Variants in RGS22 observed in about 807,000 individuals in gnomAD.
The protein encoded by RGS22 is regulator of G protein signaling 22.
RGS22 carries 148 observed loss-of-function variants against 172.9 expected under a neutral mutation model. The ratio of observed to expected loss-of-function variants is 0.86; its 90% confidence interval spans 0.75 to 0.98. RGS22 has a LOEUF of 0.98. Ranked by LOEUF, RGS22 falls within the 50% of genes least tolerant of loss-of-function variation. The pLI, the probability that RGS22 is intolerant of heterozygous loss-of-function variation, is 0.00. For missense variants in RGS22, 1,347 were observed against 1,440.8 expected, an observed-to-expected ratio of 0.93 and a Z score of 1.05; for synonymous variants, 458 against 480.2, an observed-to-expected ratio of 0.95 and a Z score of 0.60.
intron 3 of RGS22, among the ~76,000 whole-genome samples, chr8:100,082,209 CTTTA>C (rs1811816228): frequency 6.6e-6 from 1 of 152,056 alleles, no homozygotes; most frequent in African/African-American, 2.4e-5. Flanking sequence ...GTGATGGACA[CTTTA>C]TTTTTTTTCT....
chr8:100,010,640 A>AT (rs1344170083), intron 14 of RGS22, among the ~76,000 whole-genome samples: 2 of 152,172 alleles, frequency 1.3e-5, no homozygotes, highest in African/African-American at 4.8e-5. Flanking sequence ...CTTGAGGGCA[A>AT]AGACTGTAGC....
At chr8:99,988,557 T>C (rs999918848) in intron 20 of RGS22, among the ~76,000 whole-genome samples, 7 of 152,268 alleles carry the variant, frequency 4.6e-5, no homozygotes, top group Non-Finnish European at 8.8e-5. Context: ...ATGATTTAGA[T>C]GGATTTAGCA....
chr8:99,993,849 C>G (rs1455700203), intron 20 of RGS22, among the ~76,000 whole-genome samples: 2 of 152,160 alleles, frequency 1.3e-5, no homozygotes, highest in African/African-American at 4.8e-5. Flanking sequence ...CGACAAACAT[C>G]GATGCGAAAA....
At chr8:100,035,514 A>T (rs537278594) in intron 14 of RGS22, among the ~76,000 whole-genome samples, 1 of 152,216 alleles carries the variant, frequency 6.6e-6, no homozygotes, top group African/African-American at 2.4e-5. Context: ...TGTTGGTGGG[A>T]GTATAAATTA....
chr8:100,000,124 A>G lies in RGS22; in HGVS notation c.2791-704T>C, dbSNP rs77815373. ...TTCCTTCTGCTTAATGATTGGCTTC[A>G]ACAAGCTACTAATAGCTTTTTCCTG... is the stretch of plus-strand genomic sequence containing the variant. On this transcript the variant is annotated intron_variant, in intron 18 of 27. Transcript: ENST00000360863. Among the ~76,000 whole-genome samples, 1,084 of 152,330 alleles carry G rather than the reference A, an allele frequency of 7.1e-3. 16 individuals are homozygous for G. The highest frequency in any genetic ancestry group is 0.024 in the African/African-American group (1,004 of 41,576).
intron 9 of RGS22, among the ~76,000 whole-genome samples, chr8:100,057,975 G>A (rs1050535149): frequency 6.6e-6 from 1 of 152,138 alleles, no homozygotes; most frequent in Non-Finnish European, 1.5e-5. Context: ...AGATAACACA[G>A]AGAAGAAATT....
chr8:100,105,684 G>A (rs1033953496), intron 1 of RGS22: 5 of 560,938 alleles, frequency 8.9e-6, no homozygotes, highest in East Asian at 6.5e-5. Context: ...CGTACAATAT[G>A]CAGAATTAAG....
chr8:99,981,848 C>T, intron 22 of RGS22, 89 bp downstream of exon 22: 2 of 1,225,800 alleles, frequency 1.6e-6, no homozygotes, highest in Non-Finnish European at 1.1e-6. Flanking sequence ...AGGCGTGAGC[C>T]ACCACGCCTG....
Position 100,105,915 on chromosome 8 carries a change from C to G in RGS22, c.7G>C (p.Glu3Gln), listed in dbSNP as rs376675897. The change falls in exon 1 of 28, where the codon GAG becomes CAG. Residue 3 changes from glutamate to glutamine, a missense_variant. Coordinates refer to ENST00000360863, the MANE Select transcript of RGS22 (RefSeq NM_015668.5). ...CACCTACCCGCGGTGAGCCTCTTCT[C>G]GGGCATGCCGTCCCCGCTGCCCGCG... MP[E>Q]KRLTAEPPTI... The G allele has an allele frequency of 2.8e-5, 42 of 1,491,516 alleles. No homozygotes were observed. In the African/African-American group the frequency reaches 5.1e-4, roughly 18 times the overall value. The allele number at this position is 1,491,516 out of a possible 1,614,324, so 92.4% of individuals were successfully genotyped here.
chr8:100,002,505 A>G, intron 17 of RGS22, 141 bp from the exon 18 acceptor site: 2 of 689,808 alleles, frequency 2.9e-6, no homozygotes, highest in East Asian at 6.1e-5. Context: ...AACGAACCCA[A>G]TATTGTATCT....
At chr8:100,054,538 G>C (rs572074566) in intron 9 of RGS22, 2 of 153,872 alleles carry the variant, frequency 1.3e-5, no homozygotes, top group East Asian at 3.9e-4. Flanking sequence ...AGGCTGCAGT[G>C]AGCCATGACC....
chr8:100,057,377 G>T (rs768749999), intron 9 of RGS22, among the ~76,000 whole-genome samples: 6 of 152,176 alleles, frequency 3.9e-5, no homozygotes, highest in Non-Finnish European at 8.8e-5. Flanking sequence ...GGGAAGGCAC[G>T]ATGGTGTTTT....
rs141124148 is a variant in RGS22, at chr8:100,067,250, C to T, written c.595-954G>A. 3.5e-3 allele frequency among the ~76,000 whole-genome samples: 536 copies of T among 152,258 alleles called. 1 individual carries two copies. Among genetic ancestry groups the T allele is most frequent in the Non-Finnish European group, 5.8e-3 (396 of 68,022 alleles). On this transcript the variant is annotated intron_variant, in intron 6 of 27. Transcript: ENST00000360863. ...TAGCAAGTCAAGCCACATAAGAAGA[C>T]CAAAGCAAGACAGAGAAATCAGAGG... is the stretch of plus-strand genomic sequence containing the variant.
chr8:99,986,205 G>A (rs1324562226), intron 21 of RGS22, among the ~76,000 whole-genome samples: 1 of 151,954 alleles, frequency 6.6e-6, no homozygotes, highest in African/African-American at 2.4e-5. Context: ...ACTCCAGCCT[G>A]GGCAACAAAA....
chr8:99,996,519 T>C lies in RGS22; in HGVS notation c.2961A>G (p.Lys987=), dbSNP rs368347350. The change falls in exon 20 of 28, where the codon AAA becomes AAG. Residue 987 remains lysine (K), a synonymous_variant. Coordinates refer to ENST00000360863, the MANE Select transcript of RGS22 (RefSeq NM_015668.5). The part of the protein sequence containing the change: ...AARQKIKVQM[K]DIAEELLLQK... ...GTAGTAAGAGCTCTTCTGCTATGTCTTTCATCTGTACCTGAAAGCAAAACC... is the reference window on the plus strand; with the variant it reads ...GTAGTAAGAGCTCTTCTGCTATGTCCTTCATCTGTACCTGAAAGCAAAACC... 17 of 1,613,188 alleles carry C rather than the reference T, an allele frequency of 1.1e-5. No individual in the cohort carries two copies. The African/African-American group carries it at 2.3e-4, about 22-fold the overall frequency.
chr8:100,040,688 C>T lies in RGS22; in HGVS notation c.1939-601G>A, dbSNP rs187528352. 1.1e-4 allele frequency among the ~76,000 whole-genome samples: 17 copies of T among 152,218 alleles called. No individual in the cohort carries two copies. In the East Asian group the frequency reaches 2.7e-3, roughly 24 times the overall value. ...CAATTTTTGAAACACAGAAAGCTGG[C>T]TATTTCTCCAAGCACAGGAGTGACT... On this transcript the variant is annotated intron_variant, in intron 12 of 27. Coordinates refer to ENST00000360863, the MANE Select transcript of RGS22 (RefSeq NM_015668.5).
rs757728940 is a variant in RGS22 at position 100,105,910 on chromosome 8, C to T, written c.12G>A (p.Lys4=). Reference sequence around the variant, plus strand: ...GCCGCCACCTACCCGCGGTGAGCCTCTTCTCGGGCATGCCGTCCCCGCTGC... The same window carrying T: ...GCCGCCACCTACCCGCGGTGAGCCTTTTCTCGGGCATGCCGTCCCCGCTGC... MPE[K]RLTAEPPTIT... The change falls in exon 1 of 28, where the codon AAG becomes AAA. Residue 4 remains lysine (K), a synonymous_variant. Coordinates refer to ENST00000360863, the MANE Select transcript of RGS22 (RefSeq NM_015668.5). 7.4e-6 allele frequency: 11 copies of T among 1,496,432 alleles called. No individual in the cohort carries two copies. The South Asian group carries it at 1.4e-4, about 19-fold the overall frequency. The allele number at this position is 1,496,432 out of a possible 1,614,324, so 92.7% of individuals were successfully genotyped here.
chr8:100,052,741 C>T, intron 10 of RGS22, 61 bp downstream of exon 10: 1 of 1,438,554 alleles, frequency 7.0e-7, no homozygotes, highest in Non-Finnish European at 9.7e-7. Context: ...TGCACAAACA[C>T]TCAAGCATAC....
chr8:100,093,205 G>C (rs1234550020), intron 3 of RGS22: 4 of 378,846 alleles, frequency 1.1e-5, no homozygotes, highest in Non-Finnish European at 1.4e-5. Context: ...AGCTGAACCA[G>C]AGTTTGTACA....
Sources: gnomAD v4.1 joint callset for allele counts (sites outside exome capture counted in the v4.1 genomes callset) on GRCh38, gnomAD v4.1.1 for gene constraint, MANE v1.5 for transcripts, NCBI Gene and HGNC (gene_info 2026-07-23, HGNC 2026-07-21) for gene names.